Variants in ZCWPW2 observed in about 807,000 individuals in gnomAD.
ZCWPW2 encodes the protein zinc finger CW-type and PWWP domain containing 2.
In ZCWPW2, 45 loss-of-function variants were observed where a neutral mutation model predicts 46.6. That is an observed-to-expected ratio of 0.96 (90% CI 0.76 to 1.24). ZCWPW2 has a LOEUF of 1.24. Ranked by LOEUF, ZCWPW2 falls within the 50% of genes most tolerant of loss-of-function variation. The pLI, the probability that ZCWPW2 is intolerant of heterozygous loss-of-function variation, is 0.00. For missense variants in ZCWPW2, 429 were observed against 403.9 expected, an observed-to-expected ratio of 1.06 and a Z score of -0.53; for synonymous variants, 152 against 137.1, an observed-to-expected ratio of 1.11 and a Z score of -0.76.
chr3:28,387,147 A>G (rs541749602), intron 1 of ZCWPW2, among the ~76,000 whole-genome samples: 6 of 152,178 alleles, frequency 3.9e-5, no homozygotes, highest in African/African-American at 1.4e-4. Flanking sequence ...ACTCAAACCA[A>G]TCACTCTTGG....
chr3:28,378,476 G>T (rs1705569617), intron 1 of ZCWPW2, among the ~76,000 whole-genome samples: 1 of 151,924 alleles, frequency 6.6e-6, no homozygotes, highest in Non-Finnish European at 1.5e-5. Context: ...ACTGAAATGG[G>T]TTTCATATGC....
chr3:28,360,832 C>T (rs1409857229), intron 1 of ZCWPW2, among the ~76,000 whole-genome samples: 1 of 152,062 alleles, frequency 6.6e-6, no homozygotes, highest in Non-Finnish European at 1.5e-5. Flanking sequence ...AAGACTCCTA[C>T]ATTCTGATTT....
chr3:28,425,029 A>C (rs1696952134), intron 3 of ZCWPW2, among the ~76,000 whole-genome samples: 1 of 152,204 alleles, frequency 6.6e-6, no homozygotes, highest in African/African-American at 2.4e-5. Context: ...TCTAACTCAA[A>C]AAATTGATTT....
chr3:28,426,679 C>G (rs1697026313), intron 3 of ZCWPW2, among the ~76,000 whole-genome samples: 1 of 152,134 alleles, frequency 6.6e-6, no homozygotes. Flanking sequence ...CTTCCCTTTT[C>G]CATCAGCCCC....
At chr3:28,513,256 T>A (rs73823986) in intron 6 of ZCWPW2, among the ~76,000 whole-genome samples, 4,445 of 152,290 alleles carry the variant, frequency 0.029, 191 homozygotes, top group African/African-American at 0.095. Flanking sequence ...TTTACATTAA[T>A]TTCTTGGCTC....
At chr3:28,405,523 T>C (rs1696123823) in intron 2 of ZCWPW2, among the ~76,000 whole-genome samples, 1 of 152,226 alleles carries the variant, frequency 6.6e-6, no homozygotes, top group South Asian at 2.1e-4. Flanking sequence ...TTGCCTAGGC[T>C]GGAGTGCAGT....
rs142178536 is a variant in ZCWPW2 at position 28,477,331 on chromosome 3, A to G, written c.493-1483A>G. Reference sequence around the variant, plus strand: ...CAAAAGTAGAGTTTTGTTTGATCCTATTGTTTCACTGCTTTTATGTCAAGT... The same window carrying G: ...CAAAAGTAGAGTTTTGTTTGATCCTGTTGTTTCACTGCTTTTATGTCAAGT... On this transcript the variant is annotated intron_variant, in intron 4 of 9. Transcript: ENST00000383768. Among the ~76,000 whole-genome samples, 1,245 of 152,230 alleles carry G rather than the reference A, an allele frequency of 8.2e-3. 21 individuals are homozygous for G. Among genetic ancestry groups the G allele is most frequent in the African/African-American group, 0.028 (1,171 of 41,548 alleles).
chr3:28,493,147 A>AT (rs1699880206), intron 6 of ZCWPW2, among the ~76,000 whole-genome samples: 1 of 25,300 alleles, frequency 4.0e-5, no homozygotes, highest in Non-Finnish European at 7.8e-5. Context: ...TATTTTTTTT[A>AT]ATGTTTTTTT....
chr3:28,496,737 A>G (rs1437126302), intron 6 of ZCWPW2, among the ~76,000 whole-genome samples: 1 of 151,932 alleles, frequency 6.6e-6, no homozygotes, highest in Non-Finnish European at 1.5e-5. Context: ...ATGGCAAAAT[A>G]TATTAGGTAA....
chr3:28,432,550 A>C (rs1318450221), intron 3 of ZCWPW2, among the ~76,000 whole-genome samples: 1 of 152,156 alleles, frequency 6.6e-6, no homozygotes. Flanking sequence ...TTCCTGCTTT[A>C]TTCTCTGAAC....
chr3:28,509,114 A>G (rs2125829979), intron 6 of ZCWPW2, among the ~76,000 whole-genome samples: 1 of 152,288 alleles, frequency 6.6e-6, no homozygotes, highest in Non-Finnish European at 1.5e-5. Context: ...AGATCATATA[A>G]TACTTTTATG....
rs563714823 is a variant in ZCWPW2, at chr3:28,485,138, GT to G, written c.610+6219del. Among the ~76,000 whole-genome samples, 429 of 143,402 alleles carry G rather than the reference GT, an allele frequency of 3.0e-3. 1 individual carries two copies. The highest frequency in any genetic ancestry group is 7.3e-3 in the African/African-American group (289 of 39,416). 94.1% of individuals were successfully genotyped at this position (143,402 alleles called of 152,430 possible). ...CAAAATATTTTAAAATTTTTCTTGAGTTTTTTTTTTTTCTTTGATCTATGTG... is the reference window on the plus strand; with the variant it reads ...CAAAATATTTTAAAATTTTTCTTGAGTTTTTTTTTTTCTTTGATCTATGTG... On this transcript the variant is annotated intron_variant, in intron 5 of 9. Transcript: ENST00000383768.
At chr3:28,427,576 A>G (rs1355134296) in intron 3 of ZCWPW2, among the ~76,000 whole-genome samples, 1 of 152,148 alleles carries the variant, frequency 6.6e-6, no homozygotes, top group Admixed American at 6.5e-5. Flanking sequence ...ATAATTTAAT[A>G]TGTTTAAATA....
chr3:28,498,133 T>G (rs1700045207), intron 6 of ZCWPW2, among the ~76,000 whole-genome samples: 1 of 151,922 alleles, frequency 6.6e-6, no homozygotes, highest in South Asian at 2.1e-4. Context: ...AAATAAGGAC[T>G]AAAAAACAAT....
chr3:28,447,348 A>G (rs1342696262), intron 4 of ZCWPW2, among the ~76,000 whole-genome samples: 1 of 152,178 alleles, frequency 6.6e-6, no homozygotes, highest in East Asian at 1.9e-4. Flanking sequence ...GAATAGTTCA[A>G]TATATAAAAA....
Position 28,515,719 on chromosome 3 carries a change from G to C in ZCWPW2, c.784+98G>C, listed in dbSNP as rs1397361695. On this transcript the variant is annotated intron_variant, in intron 8 of 9. Transcript: ENST00000383768. ...TGAAGGAAAAAAAAAGATTTCCTGT[G>C]TGTGTGTGTGTGTGTGTGTGTGTGT... 244 of 356,010 alleles carry C rather than the reference G, an allele frequency of 6.9e-4. 1 individual carries two copies. Among genetic ancestry groups the C allele is most frequent in the Non-Finnish European group, 8.2e-4 (186 of 226,722 alleles). 22.1% of individuals were successfully genotyped at this position (356,010 alleles called of 1,614,324 possible).
intron 4 of ZCWPW2, among the ~76,000 whole-genome samples, chr3:28,449,708 A>G (rs1698149107): frequency 1.3e-5 from 2 of 152,224 alleles, no homozygotes; most frequent in Admixed American, 1.3e-4. Flanking sequence ...AAAAAATTAC[A>G]GAAGTATGTT....
At chr3:28,422,295 T>A (rs567265606) in intron 3 of ZCWPW2, among the ~76,000 whole-genome samples, 1 of 152,288 alleles carries the variant, frequency 6.6e-6, no homozygotes, top group Admixed American at 6.5e-5. Context: ...TTTTGACAAA[T>A]GTATAATGAC....
intron 2 of ZCWPW2, among the ~76,000 whole-genome samples, chr3:28,407,757 T>TA (rs1251353822): frequency 1.3e-5 from 2 of 152,296 alleles, no homozygotes; most frequent in East Asian, 3.9e-4. Flanking sequence ...AGTTATGAAA[T>TA]AAAAAATTAA....
Sources: allele counts gnomAD v4.1 joint callset (sites outside exome capture counted in the v4.1 genomes callset), GRCh38; gene constraint gnomAD v4.1.1; transcripts MANE v1.5; gene names NCBI Gene and HGNC (gene_info 2026-07-23, HGNC 2026-07-21).